MAF: variants seen among roughly 807,000 people sequenced by gnomAD.
MAF encodes the protein MAF bZIP transcription factor.
A neutral mutation model predicts 22.0 loss-of-function variants in MAF; 10 were observed. That is an observed-to-expected ratio of 0.45 (90% CI 0.28 to 0.77). The LOEUF (loss-of-function observed/expected upper bound fraction) is 0.77. Ranked by LOEUF, MAF falls within the 30% of genes least tolerant of loss-of-function variation. The probability of loss-of-function intolerance (pLI) is 0.12; values close to 1 mark genes in which losing one functional copy is unlikely to be tolerated. For missense variants in MAF, 544 were observed against 548.4 expected, an observed-to-expected ratio of 0.99 and a Z score of 0.08; for synonymous variants, 337 against 255.8, an observed-to-expected ratio of 1.32 and a Z score of -3.03.
chr16:79,540,470 A>G, the MAF span, among the ~76,000 whole-genome samples: 1 of 152,062 alleles, frequency 6.6e-6, no homozygotes, highest in Non-Finnish European at 1.5e-5. Flanking sequence ...CCACGCACCA[A>G]AAGACTCACT....
Position 79,596,906 on chromosome 16 carries a change from C to T in MAF, c.1118+1879G>A, listed in dbSNP as rs556966536. Reference sequence around the variant, plus strand: ...TTGCAATTTTTTTTTGTATTATATGCTTGCAGGTTATATCTTAGTGCAATT... The same window carrying T: ...TTGCAATTTTTTTTTGTATTATATGTTTGCAGGTTATATCTTAGTGCAATT... On this transcript the variant is annotated intron_variant, in intron 1 of 1. Transcript: ENST00000326043. 5.2e-5 allele frequency: 55 copies of T among 1,049,014 alleles called. No individual in the cohort carries two copies. In the South Asian group the frequency reaches 2.4e-3, roughly 45 times the overall value. The allele number at this position is 1,049,014 out of a possible 1,614,324, so 65.0% of individuals were successfully genotyped here.
chr16:79,381,800 T>G, the MAF span, among the ~76,000 whole-genome samples: 11 of 152,192 alleles, frequency 7.2e-5, no homozygotes, highest in African/African-American at 2.7e-4. Flanking sequence ...GGAGAACACA[T>G]TGGCCCTGAT....
chr16:79,438,083 G>C, the MAF span, among the ~76,000 whole-genome samples: 2 of 152,104 alleles, frequency 1.3e-5, no homozygotes, highest in Non-Finnish European at 2.9e-5. Context: ...GTCTGAGCAG[G>C]CTTTAGAAAA....
At chr16:79,578,697 G>A in the MAF span, among the ~76,000 whole-genome samples, 1 of 152,072 alleles carries the variant, frequency 6.6e-6, no homozygotes, top group Non-Finnish European at 1.5e-5. Context: ...GAAACCCAAT[G>A]GTCCTGAGAA....
At chr16:79,538,698 T>C in the MAF span, among the ~76,000 whole-genome samples, 1 of 152,056 alleles carries the variant, frequency 6.6e-6, no homozygotes, top group Non-Finnish European at 1.5e-5. Flanking sequence ...TGGTGGCACA[T>C]GCTTGTGGTC....
At chr16:79,335,504 T>C in the MAF span, among the ~76,000 whole-genome samples, 1 of 152,178 alleles carries the variant, frequency 6.6e-6, no homozygotes, top group Non-Finnish European at 1.5e-5. Context: ...CTCCAGTGTG[T>C]CCTACAGAAA....
At chr16:79,361,244 C>T in the MAF span, among the ~76,000 whole-genome samples, 10 of 152,070 alleles carry the variant, frequency 6.6e-5, no homozygotes, top group South Asian at 2.1e-4. Context: ...CTGAGGGTGT[C>T]CACATGGGTT....
chr16:79,303,990 G>A, the MAF span, among the ~76,000 whole-genome samples: 2 of 152,314 alleles, frequency 1.3e-5, no homozygotes, highest in African/African-American at 4.8e-5. Context: ...CTCCAAGAGT[G>A]TTTGGATACA....
chr16:79,500,241 T>A, the MAF span, among the ~76,000 whole-genome samples: 10 of 152,200 alleles, frequency 6.6e-5, no homozygotes, highest in South Asian at 2.1e-4. Flanking sequence ...AGAAGCTAAA[T>A]CTGACACACA....
At chr16:79,515,056 C>G in the MAF span, among the ~76,000 whole-genome samples, 2 of 152,154 alleles carry the variant, frequency 1.3e-5, no homozygotes, top group Non-Finnish European at 2.9e-5. Context: ...TCCGCTCACA[C>G]CTTTGTAAAT....
chr16:79,375,231 T>C, the MAF span, among the ~76,000 whole-genome samples: 1 of 152,234 alleles, frequency 6.6e-6, no homozygotes, highest in Admixed American at 6.5e-5. Context: ...ATAGAACATT[T>C]CCTGTGATTC....
chr16:79,558,067 G>A, the MAF span, among the ~76,000 whole-genome samples: 1 of 151,920 alleles, frequency 6.6e-6, no homozygotes, highest in African/African-American at 2.4e-5. Flanking sequence ...ACCTGTCCTG[G>A]AAACTGATCA....
At chr16:79,470,540 T>C in the MAF span, among the ~76,000 whole-genome samples, 2 of 152,186 alleles carry the variant, frequency 1.3e-5, no homozygotes, top group African/African-American at 2.4e-5. Context: ...ATACAAATAC[T>C]ATTACTAAAC....
At chr16:79,287,470 T>C in the MAF span, among the ~76,000 whole-genome samples, 1 of 152,130 alleles carries the variant, frequency 6.6e-6, no homozygotes, top group Non-Finnish European at 1.5e-5. Context: ...AAGACCTTAG[T>C]CCATTGTGAG....
chr16:79,203,872 C>G, the MAF span: 7 of 152,234 alleles, frequency 4.6e-5, no homozygotes, highest in South Asian at 4.2e-4. Flanking sequence ...CACGAGCTAG[C>G]TATAACCATA....
chr16:79,275,927 G>A, the MAF span, among the ~76,000 whole-genome samples: 1 of 152,146 alleles, frequency 6.6e-6, no homozygotes, highest in Non-Finnish European at 1.5e-5. Flanking sequence ...AGATCACGAG[G>A]TCAGGAGATC....
At chr16:79,438,927 T>C in the MAF span, among the ~76,000 whole-genome samples, 1 of 152,166 alleles carries the variant, frequency 6.6e-6, no homozygotes, top group African/African-American at 2.4e-5. Flanking sequence ...TTAATTATTG[T>C]CCTCATCATG....
chr16:79,421,163 TGTACGTACAAGAGAAAACA>T, the MAF span, among the ~76,000 whole-genome samples: 1 of 152,240 alleles, frequency 6.6e-6, no homozygotes, highest in Non-Finnish European at 1.5e-5. Context: ...ATCATAAGTA[TGTACGTACAAGAGAAAACA>T]ATATACATTG....
At chr16:79,488,217 C>T in the MAF span, among the ~76,000 whole-genome samples, 1 of 152,098 alleles carries the variant, frequency 6.6e-6, no homozygotes, top group Non-Finnish European at 1.5e-5. Context: ...GCCAGGGTAC[C>T]CCTTGTGAAC....
Sources: gnomAD v4.1 joint callset for allele counts (sites outside exome capture counted in the v4.1 genomes callset) on GRCh38, gnomAD v4.1.1 for gene constraint, MANE v1.5 for transcripts, NCBI Gene and HGNC (gene_info 2026-07-23, HGNC 2026-07-21) for gene names.